ROBO2: variants seen among roughly 807,000 people sequenced by gnomAD.
ROBO2 encodes the protein roundabout guidance receptor 2.
A neutral mutation model predicts 160.8 loss-of-function variants in ROBO2; 53 were observed. The observed-to-expected ratio is 0.33, with a 90% CI of 0.26 to 0.41. The LOEUF is 0.41. ROBO2 is among the 10% of genes least tolerant of loss of function. ROBO2 has a pLI of 1.00. For missense variants in ROBO2, 1,577 were observed against 1,722.4 expected (o/e 0.92, Z 1.49); for synonymous variants, 664 against 611.7 (o/e 1.09, Z -1.26).
chr3:76,668,042 G>A (rs1575827237), intron 2 of ROBO2, among the ~76,000 whole-genome samples: 2 of 152,184 alleles, frequency 1.3e-5, no homozygotes, highest in East Asian at 3.9e-4. Flanking sequence ...CTACTGCTGT[G>A]GCTGTTATGA....
chr3:77,343,589 G>A (rs2067303623), intron 2 of ROBO2, among the ~76,000 whole-genome samples: 1 of 152,100 alleles, frequency 6.6e-6, no homozygotes, highest in Non-Finnish European at 1.5e-5. Flanking sequence ...AGAATGTCCT[G>A]ACAACATTGT....
Position 76,825,603 on chromosome 3 carries a change from CAAAAA to C in ROBO2, c.110-272386_110-272382del, listed in dbSNP as rs201063990. Among the ~76,000 whole-genome samples, 12 of 72,490 alleles carry C rather than the reference CAAAAA, an allele frequency of 1.7e-4. No homozygotes were observed. The South Asian group carries it at 1.9e-3, about 12-fold the overall frequency. The allele number at this position is 72,490 out of a possible 152,430, so 47.6% of individuals were successfully genotyped here. A position where few individuals can be genotyped will look rare whatever the true frequency, so the allele number is the denominator to read the frequency against. On this transcript the variant is annotated intron_variant, in intron 2 of 26. Coordinates refer to the ROBO2 transcript ENST00000487694. ...GAGTCTACCCTTTCATCATCTTAGCCAAAAAAAAAAAAAAAAAAAAAAAAAAAAAT... is the reference window on the plus strand; with the variant it reads ...GAGTCTACCCTTTCATCATCTTAGCCAAAAAAAAAAAAAAAAAAAAAAAAT...
intron 2 of ROBO2, among the ~76,000 whole-genome samples, chr3:76,084,864 G>A (rs1303393629): frequency 6.6e-6 from 1 of 151,994 alleles, no homozygotes; most frequent in African/African-American, 2.4e-5. Flanking sequence ...ATCTTATTCT[G>A]TGAAACATAT....
intron 2 of ROBO2, among the ~76,000 whole-genome samples, chr3:76,283,613 C>T (rs936048831): frequency 4.0e-5 from 6 of 151,890 alleles, no homozygotes; most frequent in Admixed American, 1.3e-4. Flanking sequence ...TTTCTTGTCA[C>T]CCAATTCCCA....
chr3:76,434,661 C>T lies in ROBO2; in HGVS notation c.109+497059C>T, dbSNP rs2076585633. On this transcript the variant is annotated intron_variant, in intron 2 of 26. Transcript: ENST00000487694. ...AAAAGAACTGAGTGGACTCTGCCAT[C>T]TGGACCCTCTGCTGGATCAGGTCCT... 5 of 1,206,870 alleles carry T rather than the reference C, an allele frequency of 4.1e-6. No individual in the cohort carries two copies. The Admixed American group carries it at 8.4e-5, about 20-fold the overall frequency. 74.8% of individuals were successfully genotyped at this position (1,206,870 alleles called of 1,614,324 possible).
At chr3:77,458,562 A>G (rs556508492) in intron 2 of ROBO2, among the ~76,000 whole-genome samples, 1 of 150,256 alleles carries the variant, frequency 6.7e-6, no homozygotes, top group South Asian at 2.1e-4. Context: ...TTCACTCACC[A>G]TCAGCTTTTG....
At chr3:75,992,544 G>T (rs1466667578) in intron 2 of ROBO2, among the ~76,000 whole-genome samples, 1 of 152,180 alleles carries the variant, frequency 6.6e-6, no homozygotes, top group Admixed American at 6.5e-5. Context: ...CATGGGTGGG[G>T]CCCTCAGGGA....
At chr3:77,592,514 A>G (rs1323710091) in intron 17 of ROBO2, among the ~76,000 whole-genome samples, 1 of 152,022 alleles carries the variant, frequency 6.6e-6, no homozygotes, top group Admixed American at 6.6e-5. Context: ...AAGTTTGCAA[A>G]TTAACTTTAA....
chr3:76,032,417 C>T (rs1035890206), intron 2 of ROBO2, among the ~76,000 whole-genome samples: 4 of 151,954 alleles, frequency 2.6e-5, no homozygotes, highest in South Asian at 2.1e-4. Context: ...TGTGTTTGCT[C>T]TTGCTTCTCT....
chr3:76,910,725 C>CAAAAAAAAAA (rs10662303), intron 2 of ROBO2, among the ~76,000 whole-genome samples: 52 of 35,082 alleles, frequency 1.5e-3, no homozygotes, highest in African/African-American at 1.9e-3. Context: ...AACTCTGTCT[C>CAAAAAAAAAA]AAAAAAAAAA....
intron 2 of ROBO2, among the ~76,000 whole-genome samples, chr3:76,429,040 T>C (rs960385842): frequency 6.6e-6 from 1 of 152,100 alleles, no homozygotes; most frequent in Non-Finnish European, 1.5e-5. Context: ...AAATAATAAG[T>C]CTCTCCTTAG....
At chr3:76,851,104 C>T (rs2069299372) in intron 2 of ROBO2, among the ~76,000 whole-genome samples, 1 of 152,184 alleles carries the variant, frequency 6.6e-6, no homozygotes, top group African/African-American at 2.4e-5. Context: ...GTGCATGTAA[C>T]TCATTCATTT....
intron 2 of ROBO2, among the ~76,000 whole-genome samples, chr3:76,508,317 C>T (rs141399430): frequency 3.7e-4 from 56 of 152,098 alleles, no homozygotes; most frequent in African/African-American, 1.3e-3. Flanking sequence ...ATTCTTTTAA[C>T]CATTGGCAAC....
At chr3:76,182,836 C>T (rs897102279) in intron 2 of ROBO2, among the ~76,000 whole-genome samples, 15 of 152,096 alleles carry the variant, frequency 9.9e-5, no homozygotes, top group Non-Finnish European at 8.8e-5. Flanking sequence ...AGTGGTTTTA[C>T]GTTTTCAATT....
intron 2 of ROBO2, among the ~76,000 whole-genome samples, chr3:77,190,899 T>G (rs2081777551): frequency 6.6e-6 from 1 of 151,982 alleles, no homozygotes; most frequent in Non-Finnish European, 1.5e-5. Flanking sequence ...TTTTAAAAGG[T>G]GAATAGTCCT....
intron 8 of ROBO2, among the ~76,000 whole-genome samples, chr3:77,552,586 A>C (rs1055120539): frequency 8.5e-5 from 13 of 152,056 alleles, no homozygotes; most frequent in African/African-American, 2.9e-4. Flanking sequence ...ACCAATGTTA[A>C]ATCTTCTGCC....
At chr3:77,429,693 A>G (rs886900465) in intron 2 of ROBO2, among the ~76,000 whole-genome samples, 1 of 151,844 alleles carries the variant, frequency 6.6e-6, no homozygotes, top group African/African-American at 2.4e-5. Flanking sequence ...TCAGACCTAG[A>G]AAGTTGAAAA....
At chr3:75,976,668 G>A (rs1456929161) in intron 2 of ROBO2, among the ~76,000 whole-genome samples, 2 of 151,408 alleles carry the variant, frequency 1.3e-5, no homozygotes, top group Non-Finnish European at 3.0e-5. Flanking sequence ...GAAAGAATGG[G>A]TATTTTCAAT....
intron 2 of ROBO2, among the ~76,000 whole-genome samples, chr3:77,434,617 A>G (rs1034925006): frequency 6.6e-6 from 1 of 151,998 alleles, no homozygotes; most frequent in Non-Finnish European, 1.5e-5. Context: ...AGACCCTCAG[A>G]CCATGTACTG....
Sources: allele counts gnomAD v4.1 joint callset (sites outside exome capture counted in the v4.1 genomes callset), GRCh38; gene constraint gnomAD v4.1.1; transcripts MANE v1.5; gene names NCBI Gene and HGNC (gene_info 2026-07-23, HGNC 2026-07-21).